The following STK36 variants were observed in gnomAD, a reference collection of about 807,000 sequenced individuals.
STK36 encodes the protein serine/threonine-protein kinase 36.
Under a neutral mutation model 142.2 loss-of-function variants are expected in STK36, and 116 were observed. The ratio of observed to expected loss-of-function variants is 0.82; its 90% CI spans 0.70 to 0.95. STK36 has a LOEUF of 0.95. Ranked by LOEUF, STK36 falls within the 40% of genes least tolerant of loss-of-function variation. STK36 has a pLI of 0.00. For missense variants in STK36, 1,422 were observed against 1,617.2 expected, an observed-to-expected ratio of 0.88 and a Z score of 2.07; for synonymous variants, 619 against 641.7, an observed-to-expected ratio of 0.96 and a Z score of 0.53.
Position 218,682,308 on chromosome 2 carries a change from C to G in STK36, c.1236+1606C>G, listed in dbSNP as rs542613650. Reference sequence around the variant, plus strand: ...TTACCATCCTCTCTCTCTCTCTCCCCCTATGGACATAGCATCTTTCTGAAT... The same window carrying G: ...TTACCATCCTCTCTCTCTCTCTCCCGCTATGGACATAGCATCTTTCTGAAT... On this transcript the variant is annotated intron_variant, in intron 10 of 26. Coordinates refer to ENST00000295709, the MANE Select transcript of STK36 (RefSeq NM_015690.5). 3.9e-5 allele frequency among the ~76,000 whole-genome samples: 6 copies of G among 152,232 alleles called. No individual in the cohort carries two copies. The South Asian group carries it at 6.2e-4, about 16-fold the overall frequency.
chr2:218,694,055 G>T lies in STK36; in HGVS notation c.2336+72G>T. ...AGCTAACCCTCACAAAGAGTATGGG[G>T]AATGGTACCCTACAGCATATCCTTA... is the stretch of plus-strand genomic sequence containing the variant. On this transcript the variant is annotated intron_variant, in intron 19 of 26. Transcript: ENST00000295709. This position sits in a 1 kb window ranked among gnomAD's most constrained non-coding sequence, Gnocchi z 4.4. The T allele has an allele frequency of 6.9e-7, 1 of 1,452,718 alleles. No individual in the cohort carries two copies. 90.0% of individuals were successfully genotyped at this position (1,452,718 alleles called of 1,614,324 possible). A position where few individuals can be genotyped will look rare whatever the true frequency, so the allele number is the denominator to read the frequency against.
chr2:218,690,391 A>C, intron 13 of STK36, 59 bp from the exon 14 acceptor site: 1 of 1,426,624 alleles, frequency 7.0e-7, no homozygotes, highest in Non-Finnish European at 9.9e-7. Context: ...TGACCCATTC[A>C]CCACATCCAG....
chr2:218,695,527 CTTTTTTTTTTTTTT>C (rs964956273), intron 21 of STK36, among the ~76,000 whole-genome samples: 4 of 73,054 alleles, frequency 5.5e-5, no homozygotes, highest in East Asian at 8.4e-4. Flanking sequence ...CATGTCCAGT[CTTTTTTTTTTTTTT>C]TTTTTTTTTT....
rs1234712036 is a variant in STK36 at position 218,692,292 on chromosome 2, A to G, written c.1914A>G (p.Gln638=). 3 of 1,614,096 alleles carry G rather than the reference A, an allele frequency of 1.9e-6. No individual in the cohort carries two copies. Among genetic ancestry groups the G allele is most frequent in the East Asian group, 2.2e-5 (1 of 44,882 alleles). ...CACAGCTCCCTGTCCACACTCCCCA[A>G]GGTAACCAGAGTGGAGAAGGGAGGT... ...TVPQLPVHTP[Q]GAPQVSQPLR... Residue 638 remains glutamine, a splice_region_variant and synonymous_variant, in exon 15 of 27, where the codon CAA becomes CAG. Coordinates refer to ENST00000295709, the MANE Select transcript of STK36 (RefSeq NM_015690.5).
intron 16 of STK36, 60 bp downstream of exon 16, chr2:218,692,770 C>T: frequency 6.5e-7 from 1 of 1,544,816 alleles, no homozygotes; most frequent in South Asian, 1.2e-5. Flanking sequence ...AGGAGGCTAG[C>T]CCCAGTTTTT....
intron 26 of STK36, among the ~76,000 whole-genome samples, chr2:218,700,076 C>A (rs1941388429): frequency 6.6e-6 from 1 of 152,144 alleles, no homozygotes; most frequent in Admixed American, 6.5e-5. Context: ...GCATGTGCCA[C>A]CACGCCTGGC....
chr2:218,701,590 A>C (rs1306783793), intron 26 of STK36, among the ~76,000 whole-genome samples: 1 of 152,160 alleles, frequency 6.6e-6, no homozygotes, highest in African/African-American at 2.4e-5. Flanking sequence ...GCATTCATCA[A>C]GTCTTCCTGG....
intron 1 of STK36, 190 bp downstream of exon 1, chr2:218,672,405 G>C (rs1940024507): frequency 3.3e-6 from 1 of 306,752 alleles, no homozygotes; most frequent in Non-Finnish European, 6.2e-6. Context: ...CACGGGCCAG[G>C]GGGTCTGAGA....
chr2:218,696,212 T>A (rs1305190946), intron 21 of STK36, among the ~76,000 whole-genome samples: 2 of 152,156 alleles, frequency 1.3e-5, no homozygotes, highest in Non-Finnish European at 2.9e-5. Flanking sequence ...ACAACACACT[T>A]GAAATATAGA....
In STK36 at chr2:218,697,341, G is replaced by A. The variant is rs940683263; in HGVS notation, c.2762-122G>A. 33 of 1,516,876 alleles carry A rather than the reference G, an allele frequency of 2.2e-5. No homozygotes were observed. The African/African-American group carries it at 4.3e-4, about 20-fold the overall frequency. The allele number at this position is 1,516,876 out of a possible 1,614,324, so 94.0% of individuals were successfully genotyped here. On this transcript the variant is annotated intron_variant, in intron 23 of 26. Coordinates refer to ENST00000295709, the MANE Select transcript of STK36 (RefSeq NM_015690.5). Reference sequence around the variant, plus strand: ...TGCCTGGGGACAGGAAGCAGTGTCTGCACTAGAGCTGCTCTAAGATGGGGA... The same window carrying A: ...TGCCTGGGGACAGGAAGCAGTGTCTACACTAGAGCTGCTCTAAGATGGGGA...
rs201144739 is a variant in STK36 at position 218,698,646 on chromosome 2, C to A, written c.3102C>A (p.Ile1034=). ...HLPLMQVELP[I]SLLTRLALMD... is the part of the protein sequence containing the mutation. ...CGTTGATGCAAGTGGAGCTGCCCAT[C>A]AGCCTTCTCACACGCCTGGCCCTCA... The change falls in exon 26 of 27, where the codon ATC becomes ATA. Residue 1034 remains isoleucine (I), a synonymous_variant. Coordinates refer to ENST00000295709, the MANE Select transcript of STK36 (RefSeq NM_015690.5). The A allele has an allele frequency of 6.2e-7, 1 of 1,614,222 alleles. No homozygotes were observed. Among genetic ancestry groups the A allele is most frequent in the East Asian group, 2.2e-5 (1 of 44,884 alleles).
intron 26 of STK36, 110 bp downstream of exon 26, chr2:218,699,458 C>T: frequency 6.9e-7 from 1 of 1,444,488 alleles, no homozygotes; most frequent in Non-Finnish European, 9.2e-7. Context: ...GAAACTTATG[C>T]CGTGTTTCTC....
intron 14 of STK36, 24 bp from the exon 15 acceptor site, chr2:218,692,119 T>C: frequency 6.2e-7 from 1 of 1,604,782 alleles, no homozygotes; most frequent in Non-Finnish European, 8.5e-7. Context: ...GCCCTGATGC[T>C]ACCTCTGCAC....
intron 14 of STK36, among the ~76,000 whole-genome samples, chr2:218,691,707 C>T (rs1314871440): frequency 6.6e-6 from 1 of 152,096 alleles, no homozygotes; most frequent in African/African-American, 2.4e-5. Flanking sequence ...GGGTGCACAC[C>T]ACCAGACCTG....
chr2:218,687,425 A>G (rs1367588259), intron 11 of STK36, among the ~76,000 whole-genome samples: 1 of 152,226 alleles, frequency 6.6e-6, no homozygotes. Context: ...TAATTTTTGT[A>G]TATAATGTGA....
chr2:218,672,805 T>G lies in STK36; in HGVS notation c.-25T>G. The G allele has an allele frequency of 6.2e-7, 1 of 1,612,696 alleles. No homozygotes were observed. Among genetic ancestry groups the G allele is most frequent in the Non-Finnish European group, 8.5e-7 (1 of 1,178,738 alleles). ...TCTTCACCGTCTCTACTTTCTTCCTTCTAAGAGATCCTGAAACCTCTGTCA... is the reference window on the plus strand; with the variant it reads ...TCTTCACCGTCTCTACTTTCTTCCTGCTAAGAGATCCTGAAACCTCTGTCA... On this transcript the variant is annotated 5_prime_UTR_variant, in exon 2 of 27. Transcript: ENST00000295709.
Position 218,694,676 on chromosome 2 carries a change from G to A in STK36, c.2511+41G>A. On this transcript the variant is annotated intron_variant, in intron 21 of 26. Transcript: ENST00000295709. This position sits in a 1 kb window ranked among gnomAD's most constrained non-coding sequence, Gnocchi z 4.4. ...GAGGGCACAGACATGTTTTCTCTGA[G>A]TCAGACACTAGGACTGCATTCAAGG... The A allele has an allele frequency of 1.3e-6, 2 of 1,544,628 alleles. No homozygotes were observed. The highest frequency in any genetic ancestry group is 1.8e-6 in the Non-Finnish European group (2 of 1,117,210).
rs371890021 is a variant in STK36, at chr2:218,694,685, T to C, written c.2511+50T>C. On this transcript the variant is annotated intron_variant, in intron 21 of 26. Transcript: ENST00000295709. The surrounding 1 kb of genome is among the most constrained non-coding windows in gnomAD (Gnocchi z 4.4). ...GACATGTTTTCTCTGAGTCAGACAC[T>C]AGGACTGCATTCAAGGGGAAAAGAC... is the stretch of plus-strand genomic sequence containing the variant. 43 of 1,476,224 alleles carry C rather than the reference T, an allele frequency of 2.9e-5. No homozygotes were observed. Among genetic ancestry groups the C allele is most frequent in the Non-Finnish European group, 4.0e-5 (42 of 1,056,740 alleles). The allele number at this position is 1,476,224 out of a possible 1,614,324, so 91.4% of individuals were successfully genotyped here. A position where few individuals can be genotyped will look rare whatever the true frequency, so the allele number is the denominator to read the frequency against.
At chr2:218,676,642 A>T (rs1464508532) in intron 6 of STK36, among the ~76,000 whole-genome samples, 2 of 142,472 alleles carry the variant, frequency 1.4e-5, no homozygotes, top group African/African-American at 5.4e-5. Flanking sequence ...TTTGAGACAC[A>T]GTTTTTTTTT....
Sources: gnomAD v4.1 joint callset for allele counts (sites outside exome capture counted in the v4.1 genomes callset) on GRCh38, gnomAD v4.1.1 for gene constraint, Gnocchi (gnomAD v3.1) non-coding constraint, MANE v1.5 for transcripts, NCBI Gene and HGNC (gene_info 2026-07-23, HGNC 2026-07-21) for gene names.